PCDH10: variants seen among roughly 807,000 people sequenced by gnomAD.
PCDH10 encodes protocadherin-10.
A neutral mutation model predicts 74.4 loss-of-function variants in PCDH10; 15 were observed. The observed-to-expected ratio is 0.20, with a 90% CI of 0.13 to 0.31. The LOEUF is 0.31. Among genes scored for constraint, PCDH10 ranks in the 10% least tolerant of loss-of-function variants. PCDH10 has a pLI of 1.00. For synonymous variants in PCDH10, 619 were observed against 589.8 expected, an observed-to-expected ratio of 1.05 and a Z score of -0.72; for missense variants, 1,260 against 1,390.2, an observed-to-expected ratio of 0.91 and a Z score of 1.49.
At chr4:133,176,825 A>G in intron 4 of PCDH10, among the ~76,000 whole-genome samples, 1 of 152,298 alleles carries the variant, frequency 6.6e-6, no homozygotes, top group Non-Finnish European at 1.5e-5. Flanking sequence ...TTGTATGCTT[A>G]CAATAAGTAA....
chr4:133,167,250 G>A (rs1273249517), intron 4 of PCDH10, among the ~76,000 whole-genome samples: 1 of 151,508 alleles, frequency 6.6e-6, no homozygotes, highest in Non-Finnish European at 1.5e-5. Context: ...ATGTCTATGT[G>A]CACTTCAAGT....
In PCDH10 at chr4:133,151,082, C is replaced by A. The variant is rs763244841; in HGVS notation, c.942C>A (p.Gly314=). 6.2e-7 allele frequency: 1 copy of A among 1,614,082 alleles called. No individual in the cohort carries two copies. The highest frequency in any genetic ancestry group is 8.5e-7 in the Non-Finnish European group (1 of 1,180,014). The change falls in exon 1 of 5, where the codon GGC becomes GGA. Residue 314 remains glycine (G), a synonymous_variant. Coordinates refer to ENST00000264360, the MANE Select transcript of PCDH10 (RefSeq NM_032961.3). ...SPRTGRLEVS[G]ELDYEESPVY... ...GCACTGGCAGACTGGAGGTAAGCGGCGAGTTGGACTATGAAGAGAGCCCAG... is the reference window on the plus strand; with the variant it reads ...GCACTGGCAGACTGGAGGTAAGCGGAGAGTTGGACTATGAAGAGAGCCCAG...
At chr4:133,180,050 A>G (rs1727380963) in intron 4 of PCDH10, among the ~76,000 whole-genome samples, 1 of 151,838 alleles carries the variant, frequency 6.6e-6, no homozygotes, top group South Asian at 2.1e-4. Flanking sequence ...TCAAATTTTC[A>G]TAATTTTCTG....
At chr4:133,185,371 AT>A (rs1190019713) in intron 4 of PCDH10, among the ~76,000 whole-genome samples, 1 of 151,876 alleles carries the variant, frequency 6.6e-6, no homozygotes, top group African/African-American at 2.4e-5. Context: ...TACTGTGCTC[AT>A]TTCTGGATAT....
chr4:133,163,238 G>A lies in PCDH10; in HGVS notation c.3059G>A (p.Gly1020Glu), dbSNP rs1727008689. ...ACTCTGGAGAGGAAGGAGCTGGATG[G>A]ACTGCTGACTAATACGCGAGCGCCT... ...HSTLERKELD[G>E]LLTNTRAPYK... Residue 1020 changes from glycine (G) to glutamate (E), a missense_variant, in exon 4 of 5, where the codon GGA (glycine) becomes GAA (glutamate). This residue lies in a region of PCDH10 where 136 missense variants were observed against 149.3 expected (regional missense o/e 0.91). Transcript: ENST00000264360. The A allele has an allele frequency of 6.2e-7, 1 of 1,613,820 alleles. No homozygotes were observed. The highest frequency in any genetic ancestry group is 8.5e-7 in the Non-Finnish European group (1 of 1,179,958).
rs1215856749 is a variant in PCDH10 at position 133,151,747 on chromosome 4, T to A, written c.1607T>A (p.Leu536Gln). The change falls in exon 1 of 5, where the codon CTG becomes CAG. Residue 536 changes from leucine (L) to glutamine (Q), a missense_variant. Transcript: ENST00000264360. The stretch of plus-strand genomic sequence containing the variant: ...CTGCGCTCCTTCGACTATGAGCAGC[T>A]GAAGGACTTCAGTTTTCAGGTGGAA... ...YALRSFDYEQ[L>Q]KDFSFQVEAR... is the part of the protein sequence containing the mutation. The A allele has an allele frequency of 6.2e-7, 1 of 1,613,140 alleles. No individual in the cohort carries two copies. Among genetic ancestry groups the A allele is most frequent in the East Asian group, 2.2e-5 (1 of 44,856 alleles).
At chr4:133,170,260 G>A (rs1409802840) in intron 4 of PCDH10, among the ~76,000 whole-genome samples, 1 of 152,050 alleles carries the variant, frequency 6.6e-6, no homozygotes, top group African/African-American at 2.4e-5. Context: ...GTAATAGCAA[G>A]GCACTTACCC....
chr4:133,205,596 C>T (rs1048043990), intron 2 of PCDH10, among the ~76,000 whole-genome samples: 1 of 152,080 alleles, frequency 6.6e-6, no homozygotes, highest in Non-Finnish European at 1.5e-5. Flanking sequence ...TTACTCTCAT[C>T]ATTTCTTCCC....
At chr4:133,158,170 A>T (rs1726901627) in intron 3 of PCDH10, among the ~76,000 whole-genome samples, 1 of 152,150 alleles carries the variant, frequency 6.6e-6, no homozygotes, top group African/African-American at 2.4e-5. Context: ...TTAAAGAAAT[A>T]TATTTTCAAC....
rs1044477871 is a variant in PCDH10 at position 133,194,042 on chromosome 4, T to A, written c.*3882T>A. On this transcript the variant is annotated 3_prime_UTR_variant, in exon 5 of 5. Coordinates refer to ENST00000264360, the MANE Select transcript of PCDH10 (RefSeq NM_032961.3). ...TGTGAAACTGTTCAGTAGAGTATTC[T>A]TTTCTTCAAATCTTGGCATAGGTTT... The A allele has an allele frequency of 6.6e-6, 1 of 151,830 alleles. No individual in the cohort carries two copies. The highest frequency in any genetic ancestry group is 2.4e-5 in the African/African-American group (1 of 41,434). 9.4% of individuals were successfully genotyped at this position (151,830 alleles called of 1,614,324 possible).
chr4:133,156,797 C>T (rs909702843), intron 3 of PCDH10, among the ~76,000 whole-genome samples: 4 of 152,102 alleles, frequency 2.6e-5, no homozygotes, highest in African/African-American at 4.8e-5. Flanking sequence ...CCCATAATAA[C>T]CTAACTGAAG....
chr4:133,199,378 A>T (rs980960815), downstream of PCDH10, among the ~76,000 whole-genome samples: 1 of 150,992 alleles, frequency 6.6e-6, no homozygotes, highest in South Asian at 2.1e-4. Context: ...AAAAAGAGAC[A>T]TTGGGGTAGG....
chr4:133,199,781 T>TTAC (rs1553943496), intron 2 of PCDH10, among the ~76,000 whole-genome samples: 102 of 124,208 alleles, frequency 8.2e-4, no homozygotes, highest in South Asian at 4.6e-3. Flanking sequence ...ATTATTATTA[T>TTAC]TATTACTATT....
intron 4 of PCDH10, among the ~76,000 whole-genome samples, chr4:133,166,809 C>T (rs1379565560): frequency 6.6e-6 from 1 of 151,216 alleles, no homozygotes; most frequent in East Asian, 1.9e-4. Flanking sequence ...TAATCAATTC[C>T]TAAAAATTGA....
intron 4 of PCDH10, among the ~76,000 whole-genome samples, chr4:133,170,041 C>G (rs1455404805): frequency 6.6e-6 from 1 of 152,050 alleles, no homozygotes; most frequent in African/African-American, 2.4e-5. Context: ...AATAAGACTT[C>G]CTAGTCACCG....
Position 133,190,658 on chromosome 4 carries a change from T to C in PCDH10, c.*498T>C, listed in dbSNP as rs1348858786. 1 of 152,768 alleles carries C rather than the reference T, an allele frequency of 6.5e-6. No homozygotes were observed. Among genetic ancestry groups the C allele is most frequent in the Non-Finnish European group, 1.5e-5 (1 of 68,272 alleles). 9.5% of individuals were successfully genotyped at this position (152,768 alleles called of 1,614,324 possible). A position where few individuals can be genotyped will look rare whatever the true frequency, so the allele number is the denominator to read the frequency against. ...CTGTGGGTTATAAAAAATGTTGTAT[T>C]CTGAAGACCCACAAAATATCAAAGA... On this transcript the variant is annotated 3_prime_UTR_variant, in exon 5 of 5. Coordinates refer to ENST00000264360, the MANE Select transcript of PCDH10 (RefSeq NM_032961.3).
chr4:133,154,576 A>AAT (rs1726823086), intron 2 of PCDH10, among the ~76,000 whole-genome samples: 1 of 152,198 alleles, frequency 6.6e-6, no homozygotes, highest in South Asian at 2.1e-4. Context: ...ACTATATTTG[A>AAT]ATATTTTGTC....
intron 2 of PCDH10, 120 bp downstream of exon 2, chr4:133,154,485 A>G (rs1325169922): frequency 1.7e-6 from 1 of 600,290 alleles, no homozygotes. Flanking sequence ...TTAAGGCAGG[A>G]CATAAATATG....
intron 4 of PCDH10, among the ~76,000 whole-genome samples, chr4:133,168,397 A>C (rs1377516503): frequency 6.6e-6 from 1 of 151,376 alleles, no homozygotes; most frequent in African/African-American, 2.4e-5. Flanking sequence ...TCATCCAATA[A>C]ATTTCTATTC....
Sources: allele counts gnomAD v4.1 joint callset (sites outside exome capture counted in the v4.1 genomes callset), GRCh38; gene constraint gnomAD v4.1.1; regional missense constraint gnomAD v4.1.1; transcripts MANE v1.5; gene names NCBI Gene and HGNC (gene_info 2026-07-23, HGNC 2026-07-21).